ARHGAP15: variants seen among roughly 807,000 people sequenced by gnomAD.
ARHGAP15 encodes the protein rho GTPase-activating protein 15.
ARHGAP15 carries 51 observed loss-of-function variants against 63.7 expected under a neutral mutation model. The ratio of observed to expected loss-of-function variants is 0.80; its 90% CI spans 0.64 to 1.01. ARHGAP15 has a LOEUF of 1.01. ARHGAP15 is among the 50% of genes least tolerant of loss of function. The pLI is 0.00. For synonymous variants in ARHGAP15, 191 were observed against 193.8 expected, an observed-to-expected ratio of 0.99 and a Z score of 0.12; for missense variants, 560 against 564.6, an observed-to-expected ratio of 0.99 and a Z score of 0.08.
At chr2:143,131,581 T>C (rs1432930152) in intron 1 of ARHGAP15, among the ~76,000 whole-genome samples, 1 of 152,184 alleles carries the variant, frequency 6.6e-6, no homozygotes, top group Non-Finnish European at 1.5e-5. Flanking sequence ...CCTAGAAAGA[T>C]AGACCCTTCC....
intron 6 of ARHGAP15, among the ~76,000 whole-genome samples, chr2:143,333,513 G>A (rs1471300854): frequency 4.6e-5 from 7 of 152,140 alleles, no homozygotes; most frequent in Non-Finnish European, 7.4e-5. Flanking sequence ...GGAGAAAGCA[G>A]GAAATACTAG....
intron 6 of ARHGAP15, among the ~76,000 whole-genome samples, chr2:143,387,900 C>T (rs889104276): frequency 4.2e-5 from 6 of 143,464 alleles, no homozygotes; most frequent in African/African-American, 7.7e-5. Context: ...TACACATACA[C>T]GCATGCCTGC....
At chr2:143,614,490 T>A (rs575619796) in intron 11 of ARHGAP15, among the ~76,000 whole-genome samples, 7 of 152,300 alleles carry the variant, frequency 4.6e-5, no homozygotes, top group African/African-American at 9.6e-5. Flanking sequence ...AAGAGAATGA[T>A]AAACAAAGAG....
intron 8 of ARHGAP15, among the ~76,000 whole-genome samples, chr2:143,454,706 T>G (rs1690564993): frequency 6.6e-6 from 1 of 152,116 alleles, no homozygotes; most frequent in Non-Finnish European, 1.5e-5. Context: ...TTTTTCTGTG[T>G]TGTAATATAT....
intron 12 of ARHGAP15, among the ~76,000 whole-genome samples, chr2:143,687,071 T>C (rs1449093478): frequency 1.3e-5 from 2 of 152,194 alleles, no homozygotes; most frequent in Admixed American, 6.5e-5. Context: ...TGTAGAACAA[T>C]TGAGGCAAAA....
chr2:143,201,678 T>C (rs559831792), intron 2 of ARHGAP15, among the ~76,000 whole-genome samples: 1 of 152,246 alleles, frequency 6.6e-6, no homozygotes, highest in Non-Finnish European at 1.5e-5. Context: ...CGGAAACCTA[T>C]AAGGCTTTCC....
intron 6 of ARHGAP15, among the ~76,000 whole-genome samples, chr2:143,394,605 C>T (rs967810973): frequency 1.3e-5 from 2 of 152,184 alleles, no homozygotes; most frequent in African/African-American, 2.4e-5. Context: ...CTTCTACCTG[C>T]GGAAAACAAC....
intron 6 of ARHGAP15, among the ~76,000 whole-genome samples, chr2:143,370,342 C>A (rs1016967594): frequency 6.7e-5 from 10 of 148,808 alleles, no homozygotes; most frequent in Non-Finnish European, 1.5e-4. Context: ...ACTCTGGGGA[C>A]TGTTGTGGGG....
chr2:143,419,872 T>A (rs1688844317), intron 6 of ARHGAP15, among the ~76,000 whole-genome samples: 2 of 151,860 alleles, frequency 1.3e-5, no homozygotes, highest in South Asian at 4.2e-4. Flanking sequence ...AACAGCAATA[T>A]CTAAACAAAA....
chr2:143,631,530 G>A (rs1176876933), intron 12 of ARHGAP15, among the ~76,000 whole-genome samples: 1 of 151,950 alleles, frequency 6.6e-6, no homozygotes, highest in Non-Finnish European at 1.5e-5. Context: ...TGTGTGAAGT[G>A]GTATTTTGTG....
At chr2:143,567,235 C>T (rs1696266981) in intron 11 of ARHGAP15, among the ~76,000 whole-genome samples, 1 of 152,122 alleles carries the variant, frequency 6.6e-6, no homozygotes. Flanking sequence ...GTAAGCAAGA[C>T]CTTCCCTGTC....
intron 10 of ARHGAP15, among the ~76,000 whole-genome samples, chr2:143,527,258 G>T (rs1694319645): frequency 6.6e-6 from 1 of 151,980 alleles, no homozygotes; most frequent in South Asian, 2.1e-4. Context: ...GAATGAACAT[G>T]ACATATTTTT....
rs1431441110 is a variant in ARHGAP15 at position 143,596,216 on chromosome 2, C to T, written c.1004-27917C>T. Among the ~76,000 whole-genome samples the T allele has an allele frequency of 1.3e-5, 2 of 152,092 alleles. 1 individual carries two copies. Among genetic ancestry groups the T allele is most frequent in the Admixed American group, 1.3e-4 (2 of 15,254 alleles). The stretch of plus-strand genomic sequence containing the variant: ...TGCATTAACATGAAGTCCTTCTAGA[C>T]TGAGTCAATATGAAGAGAACCATCT... On this transcript the variant is annotated intron_variant, in intron 11 of 13. Coordinates refer to ENST00000295095, the MANE Select transcript of ARHGAP15 (RefSeq NM_018460.4).
intron 10 of ARHGAP15, among the ~76,000 whole-genome samples, chr2:143,553,239 A>G (rs1468314745): frequency 6.6e-6 from 1 of 152,184 alleles, no homozygotes. Flanking sequence ...GCAAAATGTA[A>G]TACCCTCCTT....
chr2:143,289,481 T>C (rs1386004169), intron 6 of ARHGAP15, among the ~76,000 whole-genome samples: 2 of 152,210 alleles, frequency 1.3e-5, no homozygotes, highest in Non-Finnish European at 2.9e-5. Context: ...GTATTAAGTA[T>C]ACACTTTGTC....
chr2:143,286,621 G>T (rs978926697), intron 6 of ARHGAP15, among the ~76,000 whole-genome samples: 1 of 152,086 alleles, frequency 6.6e-6, no homozygotes, highest in Non-Finnish European at 1.5e-5. Context: ...AATTGCCATG[G>T]TTCTAAGAAG....
chr2:143,215,062 G>T (rs1049233074), intron 3 of ARHGAP15, among the ~76,000 whole-genome samples: 4 of 152,190 alleles, frequency 2.6e-5, no homozygotes, highest in African/African-American at 9.7e-5. Flanking sequence ...GGTGTGAAAG[G>T]TACAGTTTTT....
chr2:143,586,429 T>C (rs1202899602), intron 11 of ARHGAP15, among the ~76,000 whole-genome samples: 1 of 152,130 alleles, frequency 6.6e-6, no homozygotes, highest in Non-Finnish European at 1.5e-5. Context: ...ATCACTTTTA[T>C]CAATATACTA....
chr2:143,294,141 G>C (rs995462797), intron 6 of ARHGAP15, among the ~76,000 whole-genome samples: 3 of 151,920 alleles, frequency 2.0e-5, no homozygotes, highest in African/African-American at 7.3e-5. Flanking sequence ...GACAGTCTCT[G>C]TTGTTATTCT....
Sources: gnomAD v4.1 joint callset for allele counts (sites outside exome capture counted in the v4.1 genomes callset) on GRCh38, gnomAD v4.1.1 for gene constraint, MANE v1.5 for transcripts, NCBI Gene and HGNC (gene_info 2026-07-23, HGNC 2026-07-21) for gene names.